Variants in CPLX2 observed in about 807,000 individuals in gnomAD.
The protein encoded by CPLX2 is complexin-2.
Under a neutral mutation model 16.3 loss-of-function variants are expected in CPLX2, and 5 were observed. The observed-to-expected ratio is 0.31, with a 90% CI of 0.16 to 0.64. The LOEUF (loss-of-function observed/expected upper bound fraction) is 0.64, where lower values mean the gene tolerates loss of function less well. CPLX2 is among the 30% of genes least tolerant of loss of function. The pLI is 0.79. For synonymous variants in CPLX2, 89 were observed against 73.2 expected (o/e 1.22, Z -1.10); for missense variants, 144 against 181.4 (o/e 0.79, Z 1.18).
intron 2 of CPLX2, among the ~76,000 whole-genome samples, chr5:175,864,888 G>T (rs1327255484): frequency 1.3e-5 from 2 of 152,182 alleles, no homozygotes; most frequent in African/African-American, 4.8e-5. Context: ...AGAGTGAGAA[G>T]TTTCATTAAC....
At chr5:175,854,575 ATTATCAGCGTACT>A (rs1412334222) in intron 2 of CPLX2, among the ~76,000 whole-genome samples, 8 of 152,232 alleles carry the variant, frequency 5.3e-5, no homozygotes, top group African/African-American at 1.9e-4. Context: ...GTGAGCACTC[ATTATCAGCGTACT>A]ATTTGTATTA....
At position 175,842,206 on chromosome 5, in the gene CPLX2, G is replaced by A. The variant is rs554784960; in HGVS notation, c.-89+33138G>A. Among the ~76,000 whole-genome samples the A allele has an allele frequency of 2.0e-5, 3 of 152,292 alleles. No homozygotes were observed. The South Asian group carries it at 6.2e-4, about 32-fold the overall frequency. Reference sequence around the variant, plus strand: ...GAGCTGTGGGTGCCAGCAGGATGGGGGCCATAAGGCCACATTTCAACCGAA... The same window carrying A: ...GAGCTGTGGGTGCCAGCAGGATGGGAGCCATAAGGCCACATTTCAACCGAA... On this transcript the variant is annotated intron_variant, in intron 2 of 4. Transcript: ENST00000359546.
chr5:175,850,188 G>C (rs1278298767), intron 2 of CPLX2, among the ~76,000 whole-genome samples: 2 of 151,932 alleles, frequency 1.3e-5, no homozygotes, highest in Non-Finnish European at 2.9e-5. Context: ...TTGATTCAAA[G>C]ATTTCCCTGT....
intron 1 of CPLX2, among the ~76,000 whole-genome samples, chr5:175,806,687 TG>T: frequency 6.7e-6 from 1 of 149,124 alleles, no homozygotes; most frequent in East Asian, 2.0e-4. Context: ...TTAGTAGAGA[TG>T]GGGTTTCTCC....
At chr5:175,878,599 C>T in intron 1 of CPLX2, 53 bp from the exon 2 acceptor site, 3 of 931,064 alleles carry the variant, frequency 3.2e-6, no homozygotes, top group African/African-American at 1.6e-5. Context: ...CTAGCTCCCC[C>T]GCCCTGCCTG....
chr5:175,875,221 C>T (rs964594895), intron 1 of CPLX2, among the ~76,000 whole-genome samples: 1 of 151,794 alleles, frequency 6.6e-6, no homozygotes, highest in African/African-American at 2.4e-5. Context: ...TTAAGGGAAA[C>T]GCAGAATTTA....
chr5:175,859,259 C>T lies in CPLX2; in HGVS notation c.-88-19393C>T, dbSNP rs147629727. Among the ~76,000 whole-genome samples the T allele has an allele frequency of 1.6e-3, 241 of 152,364 alleles. 2 individuals are homozygous for T. The South Asian group carries it at 0.02, about 13-fold the overall frequency. On this transcript the variant is annotated intron_variant, in intron 2 of 4. Coordinates refer to the CPLX2 transcript ENST00000359546. Reference sequence around the variant, plus strand: ...AGGGCAGAGAGGCCTTGAAATTATGCAGTCCAAACACACTCTGAAAGTCAC... The same window carrying T: ...AGGGCAGAGAGGCCTTGAAATTATGTAGTCCAAACACACTCTGAAAGTCAC...
At chr5:175,833,088 G>T (rs914790772) in intron 2 of CPLX2, among the ~76,000 whole-genome samples, 1 of 151,032 alleles carries the variant, frequency 6.6e-6, no homozygotes, top group Non-Finnish European at 1.5e-5. Context: ...CCCAGCAGGC[G>T]GATGTTGCAA....
At chr5:175,846,632 T>C in intron 2 of CPLX2, among the ~76,000 whole-genome samples, 1 of 152,150 alleles carries the variant, frequency 6.6e-6, no homozygotes, top group East Asian at 1.9e-4. Context: ...CTTGCTCAAG[T>C]TGTCCGAGCT....
chr5:175,863,181 C>T (rs1230693238), intron 2 of CPLX2, among the ~76,000 whole-genome samples: 1 of 152,224 alleles, frequency 6.6e-6, no homozygotes, highest in Non-Finnish European at 1.5e-5. Flanking sequence ...CCCTGACCTA[C>T]AGCTCCGTCA....
At chr5:175,836,326 G>A (rs914904207) in intron 2 of CPLX2, among the ~76,000 whole-genome samples, 2 of 152,054 alleles carry the variant, frequency 1.3e-5, no homozygotes, top group African/African-American at 2.4e-5. Flanking sequence ...CTCCAGCCTG[G>A]GCGACAGAGC....
intron 1 of CPLX2, among the ~76,000 whole-genome samples, chr5:175,799,933 G>C (rs1003338737): frequency 1.3e-5 from 2 of 152,012 alleles, no homozygotes; most frequent in Admixed American, 1.3e-4. Context: ...ATGAGCAAAA[G>C]GCTGCACAGT....
At chr5:175,855,953 G>A (rs542922116) in intron 2 of CPLX2, among the ~76,000 whole-genome samples, 1 of 152,276 alleles carries the variant, frequency 6.6e-6, no homozygotes, top group Admixed American at 6.5e-5. Flanking sequence ...ACCACACAGA[G>A]ACACAGGATG....
chr5:175,827,582 C>T (rs1758641860), intron 2 of CPLX2, among the ~76,000 whole-genome samples: 1 of 152,178 alleles, frequency 6.6e-6, no homozygotes, highest in Admixed American at 6.5e-5. Flanking sequence ...TGGCAAAACC[C>T]TGTCTCTACT....
intron 1 of CPLX2, chr5:175,871,990 G>C (rs1759634901): frequency 6.6e-6 from 1 of 152,300 alleles, no homozygotes; most frequent in South Asian, 2.1e-4. Context: ...GGAGACTCCG[G>C]GCAGAGCCCG....
chr5:175,802,790 G>A (rs1474257609), intron 1 of CPLX2, among the ~76,000 whole-genome samples: 1 of 152,112 alleles, frequency 6.6e-6, no homozygotes, highest in African/African-American at 2.4e-5. Flanking sequence ...GCACATACCA[G>A]ATGCTCAACA....
intron 2 of CPLX2, among the ~76,000 whole-genome samples, chr5:175,862,673 T>A (rs934125746): frequency 6.6e-6 from 1 of 152,220 alleles, no homozygotes; most frequent in African/African-American, 2.4e-5. Flanking sequence ...AGGATTTGTA[T>A]TAGTTAGGCT....
intron 1 of CPLX2, among the ~76,000 whole-genome samples, chr5:175,799,542 A>ATATATATTTATT (rs1409533277): frequency 1.3e-5 from 1 of 79,200 alleles, no homozygotes; most frequent in Non-Finnish European, 2.7e-5. Flanking sequence ...CAAATTTCAT[A>ATATATATTTATT]TATATATATA....
intron 2 of CPLX2, 56 bp downstream of exon 2, chr5:175,878,826 G>A: frequency 6.2e-7 from 1 of 1,609,310 alleles, no homozygotes; most frequent in Non-Finnish European, 8.5e-7. Context: ...TGTGGGAGGT[G>A]GCCTCGGCCC....
Sources: gnomAD v4.1 joint callset for allele counts (sites outside exome capture counted in the v4.1 genomes callset) on GRCh38, gnomAD v4.1.1 for gene constraint, MANE v1.5 for transcripts, NCBI Gene and HGNC (gene_info 2026-07-23, HGNC 2026-07-21) for gene names.